Variants in BPIFA2 observed in about 807,000 individuals in gnomAD.
The protein encoded by BPIFA2 is BPI fold-containing family A member 2.
A neutral mutation model predicts 25.7 loss-of-function variants in BPIFA2; 20 were observed. That is an observed-to-expected ratio of 0.78 (90% CI 0.55 to 1.13). The LOEUF (loss-of-function observed/expected upper bound fraction) is 1.13, where lower values mean the gene tolerates loss of function less well. Ranked by LOEUF, BPIFA2 falls within the 50% of genes most tolerant of loss-of-function variation. The pLI is 0.00. For missense variants in BPIFA2, 300 were observed against 298.1 expected (o/e 1.01, Z -0.05); for synonymous variants, 126 against 124.3 (o/e 1.01, Z -0.09).
At position 33,177,272 on chromosome 20, in the gene BPIFA2, T is replaced by C. The variant is rs1233670341; in HGVS notation, c.564-875T>C. 3.3e-5 allele frequency among the ~76,000 whole-genome samples: 5 copies of C among 152,032 alleles called. No individual in the cohort carries two copies. The East Asian group carries it at 9.7e-4, about 30-fold the overall frequency. On this transcript the variant is annotated intron_variant, in intron 5 of 8. Transcript: ENST00000354932. ...CGGGACGCTGAGGCACAAGCATTGC[T>C]TGAACCCAGGAGGCAGAGGTTGCAG...
At chr20:33,170,142 T>C (rs761883249) in intron 2 of BPIFA2, among the ~76,000 whole-genome samples, 12 of 152,192 alleles carry the variant, frequency 7.9e-5, no homozygotes, top group Non-Finnish European at 1.6e-4. Flanking sequence ...GAGACAGAAA[T>C]GTCTAAACCA....
upstream of BPIFA2, among the ~76,000 whole-genome samples, chr20:33,165,062 T>C (rs552930440): frequency 3.6e-4 from 55 of 152,346 alleles, no homozygotes; most frequent in African/African-American, 1.3e-3. Flanking sequence ...AAGAATAAAC[T>C]GTGTCACCAG....
chr20:33,175,513 G>T lies in BPIFA2; in HGVS notation c.517G>T (p.Glu173Ter). 2 of 1,614,150 alleles carry T rather than the reference G, an allele frequency of 1.2e-6. No individual in the cohort carries two copies. The highest frequency in any genetic ancestry group is 1.1e-5 in the South Asian group (1 of 91,056). ...ACACCAGCCTGTTGCCGTCCTGGGA[G>T]AATGCGCCAGTGACCCAACCAGCAT... Reference protein sequence around the residue: ...QTHQPVAVLGECASDPTSISL... With the variant: ...QTHQPVAVLG Residue 173 changes from glutamate (E) to a stop codon, truncating the protein, a stop_gained, in exon 5 of 9, where the codon GAA (glutamate) becomes TAA (stop). Coordinates refer to ENST00000354932, the MANE Select transcript of BPIFA2 (RefSeq NM_080574.4). LOFTEE classifies it high-confidence loss of function.
intron 2 of BPIFA2, among the ~76,000 whole-genome samples, chr20:33,169,917 T>C (rs1353126871): frequency 1.3e-5 from 2 of 152,234 alleles, no homozygotes; most frequent in Non-Finnish European, 2.9e-5. Flanking sequence ...TACCTTTATA[T>C]TTATTTATAC....
chr20:33,176,400 G>A (rs1160884218), intron 5 of BPIFA2, among the ~76,000 whole-genome samples: 1 of 152,180 alleles, frequency 6.6e-6, no homozygotes, highest in Non-Finnish European at 1.5e-5. Context: ...GCCTTGGCCA[G>A]GAGCAAGGCT....
At chr20:33,172,210 G>A (rs891828206) in intron 2 of BPIFA2, among the ~76,000 whole-genome samples, 2 of 152,014 alleles carry the variant, frequency 1.3e-5, no homozygotes, top group Non-Finnish European at 2.9e-5. Flanking sequence ...GATGCAGGGA[G>A]GGGAACAACA....
upstream of BPIFA2, among the ~76,000 whole-genome samples, chr20:33,163,983 C>T (rs1162123427): frequency 5.3e-5 from 8 of 152,082 alleles, no homozygotes; most frequent in Non-Finnish European, 1.2e-4. Context: ...ACAGTCCCTG[C>T]CTCTGGTTGC....
At chr20:33,178,003 G>T in intron 5 of BPIFA2, 144 bp from the exon 6 acceptor site, 1 of 569,920 alleles carries the variant, frequency 1.8e-6, no homozygotes, top group Admixed American at 3.3e-5. Context: ...CCATGTGGAT[G>T]GGAGGCTCTG....
chr20:33,179,551 T>A (rs1406323654), intron 6 of BPIFA2, 53 bp from the exon 7 acceptor site: 1 of 1,451,850 alleles, frequency 6.9e-7, no homozygotes, highest in Non-Finnish European at 9.7e-7. Flanking sequence ...AGAAGAATGA[T>A]CTGTTCTTCC....
At position 33,175,488 on chromosome 20, in the gene BPIFA2, A is replaced by T. The variant is rs1176624352; in HGVS notation, c.492A>T (p.Thr164=). ...TCACAATTGAAACTGATCCCCAGAC[A>T]CACCAGCCTGTTGCCGTCCTGGGAG... The part of the protein sequence containing the change: ...TAVTIETDPQ[T]HQPVAVLGEC... The change falls in exon 5 of 9, where the codon ACA becomes ACT. Residue 164 remains threonine, a synonymous_variant. Transcript: ENST00000354932. 2 of 1,613,976 alleles carry T rather than the reference A, an allele frequency of 1.2e-6. No homozygotes were observed. The highest frequency in any genetic ancestry group is 1.7e-6 in the Non-Finnish European group (2 of 1,179,980).
upstream of BPIFA2, among the ~76,000 whole-genome samples, chr20:33,163,642 T>C (rs1048839591): frequency 2.6e-5 from 4 of 152,036 alleles, no homozygotes; most frequent in South Asian, 2.1e-4. Flanking sequence ...GGCCAAAAGG[T>C]AAAACCCCGT....
intron 1 of BPIFA2, 96 bp from the exon 2 acceptor site, chr20:33,169,035 T>C: frequency 8.7e-7 from 1 of 1,143,348 alleles, no homozygotes; most frequent in Non-Finnish European, 1.3e-6. Context: ...ACATCTATCT[T>C]AATGGAATGC....
intron 1 of BPIFA2, chr20:33,161,919 A>C (rs6120127): frequency 0.17 from 25,257 of 152,088 alleles, 5,302 homozygotes; most frequent in African/African-American, 0.49. Context: ...ACCCCACAGA[A>C]ACAAGTCCTT....
rs772844929 is a variant in BPIFA2 at position 33,178,209 on chromosome 20, C to A, written c.626C>A (p.Ser209Tyr). Residue 209 changes from serine (S) to tyrosine (Y), a missense_variant, in exon 6 of 9, where the codon TCC (serine) becomes TAC (tyrosine). Coordinates refer to ENST00000354932, the MANE Select transcript of BPIFA2 (RefSeq NM_080574.4). ...ATCAACACGCTGAAAAGCACTGTAT[C>A]CTCCCTGCTGCAGAAGGAGGTGAGT... ...SVINTLKSTV[S>Y]SLLQKEICPL... 1 of 1,600,516 alleles carries A rather than the reference C, an allele frequency of 6.2e-7. No homozygotes were observed. Among genetic ancestry groups the A allele is most frequent in the South Asian group, 1.1e-5 (1 of 89,796 alleles).
chr20:33,167,328 C>A (rs1333989495), upstream of BPIFA2, among the ~76,000 whole-genome samples: 1 of 152,210 alleles, frequency 6.6e-6, no homozygotes, highest in African/African-American at 2.4e-5. Flanking sequence ...CCCAATGCAG[C>A]AGGCGTTACA....
intron 7 of BPIFA2, 77 bp downstream of exon 7, chr20:33,179,744 G>C (rs1984210031): frequency 7.0e-7 from 1 of 1,421,750 alleles, no homozygotes; most frequent in Non-Finnish European, 9.9e-7. Context: ...GTTCTGGTCA[G>C]GGGACCCTGG....
upstream of BPIFA2, among the ~76,000 whole-genome samples, chr20:33,163,678 A>T (rs1029852612): frequency 1.3e-5 from 2 of 152,038 alleles, no homozygotes; most frequent in Admixed American, 1.3e-4. Context: ...AAAAATTAGC[A>T]GGGTGTGGTG....
At chr20:33,176,076 C>T (rs1008362104) in intron 5 of BPIFA2, among the ~76,000 whole-genome samples, 4 of 151,598 alleles carry the variant, frequency 2.6e-5, no homozygotes, top group Non-Finnish European at 4.4e-5. Flanking sequence ...ATAATAATAA[C>T]GATAAAATTA....
intron 4 of BPIFA2, among the ~76,000 whole-genome samples, chr20:33,174,537 G>A (rs928155870): frequency 6.6e-6 from 1 of 152,150 alleles, no homozygotes; most frequent in African/African-American, 2.4e-5. Context: ...TCTCTAAGTT[G>A]CAGTGACCAC....
Sources: allele counts gnomAD v4.1 joint callset (sites outside exome capture counted in the v4.1 genomes callset), GRCh38; gene constraint gnomAD v4.1.1; transcripts MANE v1.5; gene names NCBI Gene and HGNC (gene_info 2026-07-23, HGNC 2026-07-21).